The following STXBP5L variants were observed in gnomAD, a reference collection of about 807,000 sequenced individuals.
The protein encoded by STXBP5L is syntaxin binding protein 5L.
A neutral mutation model predicts 144.5 loss-of-function variants in STXBP5L; 65 were observed. That is an observed-to-expected ratio of 0.45 (90% CI 0.37 to 0.55). The LOEUF is 0.55. Among genes scored for constraint, STXBP5L ranks in the 20% least tolerant of loss-of-function variants. The pLI is 0.00. For missense variants in STXBP5L, 1,298 were observed against 1,405.5 expected, an observed-to-expected ratio of 0.92 and a Z score of 1.22; for synonymous variants, 505 against 469.6, an observed-to-expected ratio of 1.08 and a Z score of -0.97.
At chr3:121,239,798 T>A (rs1220868120) in intron 13 of STXBP5L, among the ~76,000 whole-genome samples, 1 of 151,654 alleles carries the variant, frequency 6.6e-6, no homozygotes, top group Non-Finnish European at 1.5e-5. Context: ...GCATGGCACA[T>A]GTATACATAT....
intron 21 of STXBP5L, among the ~76,000 whole-genome samples, chr3:121,379,925 C>A (rs970244978): frequency 6.6e-6 from 1 of 152,102 alleles, no homozygotes; most frequent in African/African-American, 2.4e-5. Context: ...GCCTCTAACT[C>A]CTGAACTTAA....
chr3:121,234,694 A>G (rs1171957019), intron 12 of STXBP5L, among the ~76,000 whole-genome samples: 1 of 151,918 alleles, frequency 6.6e-6, no homozygotes, highest in African/African-American at 2.4e-5. Flanking sequence ...ATTTGCAGAT[A>G]TTGTTCTCGG....
intron 7 of STXBP5L, among the ~76,000 whole-genome samples, chr3:121,126,918 C>T (rs1251023605): frequency 1.3e-5 from 2 of 152,186 alleles, no homozygotes; most frequent in African/African-American, 2.4e-5. Flanking sequence ...CATAGTATCT[C>T]TCTGACTCTT....
At chr3:120,959,236 T>C (rs1455863279) in intron 3 of STXBP5L, among the ~76,000 whole-genome samples, 2 of 152,166 alleles carry the variant, frequency 1.3e-5, no homozygotes, top group African/African-American at 4.8e-5. Flanking sequence ...AAACCACTGC[T>C]CAATGAACTT....
chr3:121,153,795 A>G (rs561812795), intron 8 of STXBP5L, among the ~76,000 whole-genome samples: 1 of 152,074 alleles, frequency 6.6e-6, no homozygotes, highest in Non-Finnish European at 1.5e-5. Context: ...GATAAGTAAT[A>G]TCATGCAGTT....
intron 3 of STXBP5L, among the ~76,000 whole-genome samples, chr3:120,956,152 C>T (rs185548251): frequency 3.1e-4 from 47 of 151,924 alleles, no homozygotes; most frequent in Non-Finnish European, 6.5e-4. Context: ...GGTGTAAATG[C>T]CCAGGAGTAC....
At chr3:120,991,653 A>G (rs576315011) in intron 3 of STXBP5L, among the ~76,000 whole-genome samples, 1 of 152,326 alleles carries the variant, frequency 6.6e-6, no homozygotes, top group South Asian at 2.1e-4. Flanking sequence ...GTGCAGCCAT[A>G]AAAAATGATG....
At chr3:121,402,962 T>A (rs1446762736) in intron 22 of STXBP5L, among the ~76,000 whole-genome samples, 2 of 152,190 alleles carry the variant, frequency 1.3e-5, no homozygotes, top group Non-Finnish European at 2.9e-5. Context: ...CCTGAGTAGC[T>A]GGGACTACAG....
At chr3:121,035,244 G>A (rs187003923) in intron 3 of STXBP5L, among the ~76,000 whole-genome samples, 1 of 152,050 alleles carries the variant, frequency 6.6e-6, no homozygotes, top group Non-Finnish European at 1.5e-5. Context: ...TTTTGTTTTT[G>A]TTGCTTGTGC....
intron 3 of STXBP5L, among the ~76,000 whole-genome samples, chr3:121,031,050 C>A (rs1265041125): frequency 6.6e-6 from 1 of 152,002 alleles, no homozygotes; most frequent in African/African-American, 2.4e-5. Context: ...CCCACTGTAT[C>A]TTTATTGCAT....
chr3:121,133,145 G>A (rs139479555), intron 7 of STXBP5L, among the ~76,000 whole-genome samples: 2 of 152,206 alleles, frequency 1.3e-5, no homozygotes, highest in African/African-American at 4.8e-5. Context: ...TGATGTCAGA[G>A]GATTGCTTGA....
In STXBP5L at chr3:121,311,252, C is replaced by T. The variant is rs35038532; in HGVS notation, c.2111-7223C>T. Among the ~76,000 whole-genome samples the T allele has an allele frequency of 1.3e-3, 200 of 152,232 alleles. 1 individual carries two copies. Among genetic ancestry groups the T allele is most frequent in the Non-Finnish European group, 2.1e-3 (145 of 68,014 alleles). On this transcript the variant is annotated intron_variant, in intron 19 of 26. Coordinates refer to ENST00000471454, the MANE Select transcript of STXBP5L (RefSeq NM_001308330.2). ...GGAGATATTGAGCAATTGGAACTCC[C>T]GTAAGTTGCTACGGAGAATGCAAAA...
chr3:121,018,765 C>T (rs1945325383), intron 3 of STXBP5L, among the ~76,000 whole-genome samples: 1 of 152,186 alleles, frequency 6.6e-6, no homozygotes, highest in Non-Finnish European at 1.5e-5. Context: ...GCGGAACTAA[C>T]TTGCAGCTAC....
intron 24 of STXBP5L, among the ~76,000 whole-genome samples, chr3:121,415,088 C>A (rs1164651380): frequency 1.3e-5 from 2 of 152,144 alleles, no homozygotes; most frequent in African/African-American, 4.8e-5. Flanking sequence ...CAATTAAAAT[C>A]ATACTGGAAG....
chr3:121,077,552 A>G (rs1419517994), intron 5 of STXBP5L, among the ~76,000 whole-genome samples: 1 of 152,100 alleles, frequency 6.6e-6, no homozygotes, highest in South Asian at 2.1e-4. Context: ...GAGCCAAAGA[A>G]CAAAGCTTCC....
At chr3:121,371,098 C>T (rs868251473) in intron 20 of STXBP5L, among the ~76,000 whole-genome samples, 7 of 152,162 alleles carry the variant, frequency 4.6e-5, no homozygotes, top group Admixed American at 1.3e-4. Context: ...TTTGAGTGGT[C>T]GGAGTTCTTG....
intron 20 of STXBP5L, among the ~76,000 whole-genome samples, chr3:121,351,642 C>G (rs1230570443): frequency 2.6e-5 from 4 of 152,116 alleles, no homozygotes; most frequent in African/African-American, 9.7e-5. Context: ...TATATGGTGC[C>G]TGTTCACTCT....
intron 3 of STXBP5L, among the ~76,000 whole-genome samples, chr3:121,015,357 A>T (rs1221026444): frequency 1.3e-5 from 2 of 152,184 alleles, no homozygotes. Context: ...GATCAGTCTT[A>T]AAATTAACAA....
chr3:121,305,752 C>T (rs1406353398), intron 19 of STXBP5L, among the ~76,000 whole-genome samples: 1 of 151,984 alleles, frequency 6.6e-6, no homozygotes, highest in Non-Finnish European at 1.5e-5. Flanking sequence ...TGTTTACTAT[C>T]ATCACTTTTA....
Sources: gnomAD v4.1 joint callset for allele counts (sites outside exome capture counted in the v4.1 genomes callset) on GRCh38, gnomAD v4.1.1 for gene constraint, MANE v1.5 for transcripts, NCBI Gene and HGNC (gene_info 2026-07-23, HGNC 2026-07-21) for gene names.